HIVEP2: variants seen among roughly 807,000 people sequenced by gnomAD.
HIVEP2 encodes the protein HIVEP zinc finger 2, also known as transcription factor HIVEP2.
HIVEP2 carries 14 observed loss-of-function variants against 180.7 expected under a neutral mutation model. That is an observed-to-expected ratio of 0.08 (90% CI 0.05 to 0.12). The LOEUF (loss-of-function observed/expected upper bound fraction) is 0.12, where lower values mean the gene tolerates loss of function less well. HIVEP2 is among the 10% of genes least tolerant of loss of function. The pLI, the probability that HIVEP2 is intolerant of heterozygous loss-of-function variation, is 1.00. For synonymous variants in HIVEP2, 1,184 were observed against 1,136.4 expected (o/e 1.04, Z -0.84); for missense variants, 2,579 against 3,008.5 (o/e 0.86, Z 3.34).
intron 2 of HIVEP2, among the ~76,000 whole-genome samples, chr6:142,819,796 A>C (rs1354844055): frequency 6.6e-6 from 1 of 152,210 alleles, no homozygotes; most frequent in Non-Finnish European, 1.5e-5. Flanking sequence ...CAGCTTGAAA[A>C]ATAAAATTAG....
intron 1 of HIVEP2, among the ~76,000 whole-genome samples, chr6:142,850,434 C>A: frequency 6.6e-6 from 1 of 152,080 alleles, no homozygotes. Context: ...AATAAGGAAT[C>A]GCATAACACT....
rs565552999 is a variant in HIVEP2, at chr6:142,942,774, T to C, written c.-641+2325A>G. On this transcript the variant is annotated intron_variant, in intron 1 of 9. Transcript: ENST00000367603. ...GTCCCCGAATCAGTCACACATCAATTTACTCTTGAATACCCTTGTATAAAT... is the reference window on the plus strand; with the variant it reads ...GTCCCCGAATCAGTCACACATCAATCTACTCTTGAATACCCTTGTATAAAT... 3.9e-5 allele frequency among the ~76,000 whole-genome samples: 6 copies of C among 152,194 alleles called. No homozygotes were observed. The South Asian group carries it at 1.2e-3, about 32-fold the overall frequency.
rs543290538 is a variant in HIVEP2 at position 142,925,374 on chromosome 6, T to A, written c.-641+19725A>T. ...CACAACCTTCCCTCTATTCTTAATC[T>A]CCAATTTTATTTTCTTAAGTGGGCC... On this transcript the variant is annotated intron_variant, in intron 1 of 9. Coordinates refer to ENST00000367603, the MANE Select transcript of HIVEP2 (RefSeq NM_006734.4). Among the ~76,000 whole-genome samples, 466 of 152,280 alleles carry A rather than the reference T, an allele frequency of 3.1e-3. 2 individuals are homozygous for A. The highest frequency in any genetic ancestry group is 0.011 in the African/African-American group (451 of 41,542).
At chr6:142,845,450 T>C (rs1229605180) in intron 1 of HIVEP2, among the ~76,000 whole-genome samples, 1 of 152,262 alleles carries the variant, frequency 6.6e-6, no homozygotes, top group Non-Finnish European at 1.5e-5. Flanking sequence ...TATATACGTA[T>C]GTCTTTTGAC....
intron 4 of HIVEP2, among the ~76,000 whole-genome samples, chr6:142,775,908 A>G (rs1042311113): frequency 2.6e-5 from 4 of 151,192 alleles, no homozygotes; most frequent in African/African-American, 9.7e-5. Context: ...AAGCATACAT[A>G]TATGATACAT....
intron 3 of HIVEP2, among the ~76,000 whole-genome samples, chr6:142,776,396 A>C (rs530873631): frequency 6.6e-6 from 1 of 152,352 alleles, no homozygotes; most frequent in South Asian, 2.1e-4. Flanking sequence ...AAAATAACTC[A>C]GAGAAAATAT....
At chr6:142,886,096 TTA>T (rs2128418913) in intron 1 of HIVEP2, among the ~76,000 whole-genome samples, 1 of 152,346 alleles carries the variant, frequency 6.6e-6, no homozygotes, top group East Asian at 1.9e-4. Flanking sequence ...GTATTTGCAG[TTA>T]TCTTTTTCAT....
At chr6:142,884,160 T>C (rs1403682533) in intron 1 of HIVEP2, among the ~76,000 whole-genome samples, 1 of 152,218 alleles carries the variant, frequency 6.6e-6, no homozygotes, top group Non-Finnish European at 1.5e-5. Context: ...AGGGCTTTTT[T>C]ATCCTACACA....
intron 3 of HIVEP2, among the ~76,000 whole-genome samples, chr6:142,780,716 T>C (rs1342876365): frequency 6.6e-6 from 1 of 152,202 alleles, no homozygotes; most frequent in African/African-American, 2.4e-5. Context: ...GGCATGACTT[T>C]CTCTTTAAAA....
At chr6:142,898,991 T>C (rs969977249) in intron 1 of HIVEP2, among the ~76,000 whole-genome samples, 16 of 152,188 alleles carry the variant, frequency 1.1e-4, no homozygotes, top group Non-Finnish European at 2.1e-4. Flanking sequence ...TGTATCATTC[T>C]TGTGAGGCTG....
chr6:142,801,105 T>C (rs1250385366), intron 2 of HIVEP2, among the ~76,000 whole-genome samples: 1 of 150,334 alleles, frequency 6.7e-6, no homozygotes, highest in African/African-American at 2.5e-5. Flanking sequence ...TTGCCCTGTC[T>C]ATTCAGTTCT....
chr6:142,799,025 G>C (rs1409792521), intron 2 of HIVEP2, among the ~76,000 whole-genome samples: 1 of 152,144 alleles, frequency 6.6e-6, no homozygotes, highest in Non-Finnish European at 1.5e-5. Flanking sequence ...TTGAGCTATA[G>C]GGGTAACAAG....
Position 142,753,623 on chromosome 6 carries a change from G to C in HIVEP2, c.6825C>G (p.Pro2275=). Residue 2275 remains proline, a synonymous_variant, in exon 10 of 10, where the codon CCC becomes CCG. Coordinates refer to ENST00000367603, the MANE Select transcript of HIVEP2 (RefSeq NM_006734.4). ...TCTCATGCTGCTTAGAAAGCACATAGGGGTCCTTGGAGAAGGACTCCCCTG... is the reference window on the plus strand; with the variant it reads ...TCTCATGCTGCTTAGAAAGCACATACGGGTCCTTGGAGAAGGACTCCCCTG... The part of the protein sequence containing the change: ...GASGESFSKD[P]YVLSKQHEKR... 1 of 1,614,152 alleles carries C rather than the reference G, an allele frequency of 6.2e-7. No homozygotes were observed. The highest frequency in any genetic ancestry group is 8.5e-7 in the Non-Finnish European group (1 of 1,180,030).
intron 1 of HIVEP2, among the ~76,000 whole-genome samples, chr6:142,931,312 C>T (rs1270456323): frequency 6.6e-6 from 1 of 151,396 alleles, no homozygotes; most frequent in African/African-American, 2.4e-5. Flanking sequence ...ATATAGATAG[C>T]AGTCTTACAA....
intron 2 of HIVEP2, among the ~76,000 whole-genome samples, chr6:142,803,623 T>A (rs1776472270): frequency 3.0e-5 from 4 of 133,690 alleles, no homozygotes; most frequent in Admixed American, 2.2e-4. Flanking sequence ...AGAGAAGATA[T>A]CCTTCCTAAA....
At chr6:142,841,372 T>C (rs1775357781) in intron 1 of HIVEP2, among the ~76,000 whole-genome samples, 1 of 152,142 alleles carries the variant, frequency 6.6e-6, no homozygotes, top group African/African-American at 2.4e-5. Context: ...ATGGAACTTT[T>C]GTTCAGACTG....
chr6:142,859,834 CAAAA>C (rs56853043), intron 1 of HIVEP2, among the ~76,000 whole-genome samples: 6 of 73,610 alleles, frequency 8.2e-5, no homozygotes, highest in African/African-American at 2.1e-4. Flanking sequence ...AACTCCGTCT[CAAAA>C]AAAAAAAAAA....
At chr6:142,830,370 C>G (rs1342605435) in intron 2 of HIVEP2, among the ~76,000 whole-genome samples, 1 of 152,034 alleles carries the variant, frequency 6.6e-6, no homozygotes, top group African/African-American at 2.4e-5. Flanking sequence ...CAATGATCAC[C>G]CTCCTCAAAA....
intron 1 of HIVEP2, among the ~76,000 whole-genome samples, chr6:142,892,062 C>T (rs1442605869): frequency 6.6e-6 from 1 of 152,224 alleles, no homozygotes; most frequent in Non-Finnish European, 1.5e-5. Context: ...CCTCACCTGG[C>T]CTGGCCTCAC....
Sources: allele counts gnomAD v4.1 joint callset (sites outside exome capture counted in the v4.1 genomes callset), GRCh38; gene constraint gnomAD v4.1.1; transcripts MANE v1.5; gene names NCBI Gene and HGNC (gene_info 2026-07-23, HGNC 2026-07-21).